The following DYSF variants were observed in gnomAD, a reference collection of about 807,000 sequenced individuals.
The protein encoded by DYSF is dysferlin, also known as dystrophy-associated fer-1-like 1.
In DYSF, 212 loss-of-function variants were observed where a neutral mutation model predicts 274.9. That is an observed-to-expected ratio of 0.77 (90% CI 0.69 to 0.86). The LOEUF (loss-of-function observed/expected upper bound fraction) is 0.86, where lower values mean the gene tolerates loss of function less well. DYSF is among the 40% of genes least tolerant of loss of function. DYSF has a pLI of 0.00. For missense variants in DYSF, 2,666 were observed against 2,783.2 expected (o/e 0.96, Z 0.95); for synonymous variants, 1,091 against 1,078.7 (o/e 1.01, Z -0.22).
chr2:71,630,295 G>C lies in DYSF; in HGVS notation c.4527+9686G>C, dbSNP rs1430520282. ...CCAGGATCAGAGGCAGCTATGTGGG[G>C]CTATTCTTCTGGGCTGAAGAGTTTA... On this transcript the variant is annotated intron_variant, in intron 41 of 55. Transcript: ENST00000410020. Among the ~76,000 whole-genome samples the C allele has an allele frequency of 2.0e-5, 3 of 152,378 alleles. No individual in the cohort carries two copies. The East Asian group carries it at 5.8e-4, about 29-fold the overall frequency.
chr2:71,686,297 G>A (rs546372790), intron 55 of DYSF, among the ~76,000 whole-genome samples, 157 bp from the exon 56 acceptor site: 7 of 152,294 alleles, frequency 4.6e-5, no homozygotes, highest in African/African-American at 7.2e-5. Context: ...AGGGCGAGGC[G>A]TGGGCAGGTG....
At chr2:71,570,402 A>G (rs1271004163) in intron 28 of DYSF, 68 bp downstream of exon 28, 2 of 1,534,266 alleles carry the variant, frequency 1.3e-6, no homozygotes, top group African/African-American at 2.7e-5. Flanking sequence ...GGTGGGGACG[A>G]CTGAATGCCA....
chr2:71,647,577 A>G (rs1388857370), intron 42 of DYSF, among the ~76,000 whole-genome samples: 7 of 152,222 alleles, frequency 4.6e-5, no homozygotes, highest in African/African-American at 1.7e-4. Context: ...AACAGAAGCC[A>G]CAGACTTCAA....
At chr2:71,499,890 C>T (rs936859998) in intron 3 of DYSF, among the ~76,000 whole-genome samples, 1 of 152,210 alleles carries the variant, frequency 6.6e-6, no homozygotes, top group African/African-American at 2.4e-5. Context: ...CATTTCCACC[C>T]ATGTAGGCTC....
chr2:71,584,351 G>T (rs771990792), intron 30 of DYSF, among the ~76,000 whole-genome samples: 1 of 152,048 alleles, frequency 6.6e-6, no homozygotes, highest in South Asian at 2.1e-4. Context: ...TGCTGCTGCC[G>T]CTCTCCCAGT....
chr2:71,669,807 T>C (rs2095086977), intron 51 of DYSF, 61 bp downstream of exon 51: 1 of 1,609,608 alleles, frequency 6.2e-7, no homozygotes, highest in Non-Finnish European at 8.5e-7. Flanking sequence ...TAGCCTGACC[T>C]GACCACCACG....
At chr2:71,622,126 C>CT (rs1558651607) in intron 41 of DYSF, among the ~76,000 whole-genome samples, 2 of 38,746 alleles carry the variant, frequency 5.2e-5, no homozygotes, top group African/African-American at 1.2e-4. Context: ...CAGATGATTT[C>CT]TTTGTTTTTT....
At chr2:71,455,642 C>T (rs1010013040) in intron 1 of DYSF, among the ~76,000 whole-genome samples, 1 of 152,188 alleles carries the variant, frequency 6.6e-6, no homozygotes, top group African/African-American at 2.4e-5. Context: ...ACCATTCATA[C>T]TGTAAATAGC....
chr2:71,473,971 G>C (rs2082222571), intron 1 of DYSF, among the ~76,000 whole-genome samples: 1 of 136,946 alleles, frequency 7.3e-6, no homozygotes, highest in Non-Finnish European at 1.5e-5. Context: ...TTGTTGCCCA[G>C]GCTGGAGAGC....
rs11900174 is a variant in DYSF at position 71,480,591 on chromosome 2, A to T, written c.92-292A>T. Among the ~76,000 whole-genome samples the T allele has an allele frequency of 0.014, 2,121 of 152,162 alleles. 53 individuals are homozygous for T. Among genetic ancestry groups the T allele is most frequent in the African/African-American group, 0.047 (1,949 of 41,422 alleles). On this transcript the variant is annotated intron_variant, in intron 1 of 55. Transcript: ENST00000410020. ...TACTACAATCAGAAAATTTATAATTAAAAAAATTATTTAAAAAGTCAGAAA... is the reference window on the plus strand; with the variant it reads ...TACTACAATCAGAAAATTTATAATTTAAAAAATTATTTAAAAAGTCAGAAA...
chr2:71,493,481 T>A (rs1383246834), intron 3 of DYSF, among the ~76,000 whole-genome samples: 1 of 152,122 alleles, frequency 6.6e-6, no homozygotes, highest in Non-Finnish European at 1.5e-5. Flanking sequence ...AAAAAGATAT[T>A]TGTGAGGGAA....
chr2:71,630,042 G>A (rs1175722556), intron 41 of DYSF, among the ~76,000 whole-genome samples: 2 of 152,104 alleles, frequency 1.3e-5, no homozygotes, highest in African/African-American at 2.4e-5. Context: ...TCTTCAGATC[G>A]CTCTTCTTCT....
intron 2 of DYSF, 37 bp from the exon 3 acceptor site, chr2:71,481,842 G>A (rs2082936234): frequency 6.4e-7 from 1 of 1,552,886 alleles, no homozygotes; most frequent in Non-Finnish European, 8.9e-7. Context: ...CTCCTAGAGG[G>A]CCATAGGTTA....
chr2:71,533,893 C>T (rs925790642), intron 14 of DYSF, among the ~76,000 whole-genome samples: 9 of 152,208 alleles, frequency 5.9e-5, no homozygotes, highest in Non-Finnish European at 8.8e-5. Context: ...CAAGGCCTTG[C>T]GTCTTCATTC....
At chr2:71,637,587 G>A (rs948999064) in intron 41 of DYSF, among the ~76,000 whole-genome samples, 17 of 152,188 alleles carry the variant, frequency 1.1e-4, no homozygotes, top group Admixed American at 6.5e-4. Flanking sequence ...GCTCCTTGAA[G>A]CTGTGCCAGG....
chr2:71,522,864 C>T lies in DYSF; in HGVS notation c.1149+1960C>T, dbSNP rs79749645. Among the ~76,000 whole-genome samples the T allele has an allele frequency of 1.1e-3, 170 of 152,248 alleles. 5 individuals are homozygous for T. The East Asian group carries it at 0.021, about 19-fold the overall frequency. The stretch of plus-strand genomic sequence containing the variant: ...AGAGGCCAGAGTTTCATTCTTTACC[C>T]CTCAATCCCCATGCAAGCAGTTGGC... On this transcript the variant is annotated intron_variant, in intron 12 of 55. Coordinates refer to ENST00000410020, the MANE Select transcript of DYSF (RefSeq NM_001130987.2).
chr2:71,546,052 T>C (rs1316883536), intron 17 of DYSF, among the ~76,000 whole-genome samples: 1 of 152,248 alleles, frequency 6.6e-6, no homozygotes, highest in East Asian at 1.9e-4. Context: ...AACTTGTGCA[T>C]CCAACTGGAG....
At chr2:71,544,956 G>A (rs993426617) in intron 17 of DYSF, among the ~76,000 whole-genome samples, 2 of 152,204 alleles carry the variant, frequency 1.3e-5, no homozygotes, top group African/African-American at 2.4e-5. Flanking sequence ...TAGAGTCCTG[G>A]CAGGCGACAA....
At chr2:71,668,395 G>A (rs2095055659) in intron 48 of DYSF, among the ~76,000 whole-genome samples, 2 of 152,128 alleles carry the variant, frequency 1.3e-5, no homozygotes, top group Non-Finnish European at 2.9e-5. Context: ...GGTGGGCAGG[G>A]AGAGTGATGT....
Sources: allele counts gnomAD v4.1 joint callset (sites outside exome capture counted in the v4.1 genomes callset), GRCh38; gene constraint gnomAD v4.1.1; transcripts MANE v1.5; gene names NCBI Gene and HGNC (gene_info 2026-07-23, HGNC 2026-07-21).